Variants in TOP1 observed in about 807,000 individuals in gnomAD.
TOP1 encodes DNA topoisomerase 1.
Under a neutral mutation model 111.1 loss-of-function variants are expected in TOP1, and 10 were observed. The ratio of observed to expected loss-of-function variants is 0.09; its 90% CI spans 0.06 to 0.15. The LOEUF is 0.15. Ranked by LOEUF, TOP1 falls within the 10% of genes least tolerant of loss-of-function variation. The probability of loss-of-function intolerance (pLI) is 1.00; values close to 1 mark genes in which losing one functional copy is unlikely to be tolerated. For synonymous variants in TOP1, 271 were observed against 302.9 expected, an observed-to-expected ratio of 0.89 and a Z score of 1.10; for missense variants, 474 against 926.7, an observed-to-expected ratio of 0.51 and a Z score of 6.34.
intron 17 of TOP1, among the ~76,000 whole-genome samples, chr20:41,117,873 C>G (rs189968977): frequency 6.6e-6 from 1 of 152,140 alleles, no homozygotes; most frequent in African/African-American, 2.4e-5. Context: ...GGGTCCCTAG[C>G]CAAGTTCCCT....
At position 41,101,615 on chromosome 20, in the gene TOP1, A is replaced by G. The variant is rs542138658; in HGVS notation, c.1308+262A>G. On this transcript the variant is annotated intron_variant, in intron 13 of 20. Transcript: ENST00000361337. This position sits in a 1 kb window ranked among gnomAD's most constrained non-coding sequence, Gnocchi z 4.1. Reference sequence around the variant, plus strand: ...CCCCACACAGTATACATTTGATGCTAGGAATTATGTTGGTAAACAAGATAG... The same window carrying G: ...CCCCACACAGTATACATTTGATGCTGGGAATTATGTTGGTAAACAAGATAG... Among the ~76,000 whole-genome samples the G allele has an allele frequency of 2.0e-5, 3 of 152,344 alleles. No homozygotes were observed. The South Asian group carries it at 6.2e-4, about 32-fold the overall frequency.
Position 41,029,017 on chromosome 20 carries a change from G to C in TOP1, c.-51G>C. 5 of 1,517,980 alleles carry C rather than the reference G, an allele frequency of 3.3e-6. No individual in the cohort carries two copies. The highest frequency in any genetic ancestry group is 4.4e-6 in the Non-Finnish European group (5 of 1,131,432). The allele number at this position is 1,517,980 out of a possible 1,614,324, so 94.0% of individuals were successfully genotyped here. A position where few individuals can be genotyped will look rare whatever the true frequency, so the allele number is the denominator to read the frequency against. The stretch of plus-strand genomic sequence containing the variant: ...CCGCACAGGCCGGTTCGCCGTCTGC[G>C]TCTCCCCCACGCCGCCTCGCCTGCC... On this transcript the variant is annotated 5_prime_UTR_variant, in exon 1 of 21. Coordinates refer to ENST00000361337, the MANE Select transcript of TOP1 (RefSeq NM_003286.4). The surrounding 1 kb of genome is among the most constrained non-coding windows in gnomAD (Gnocchi z 6.1).
intron 8 of TOP1, among the ~76,000 whole-genome samples, chr20:41,086,574 G>A (rs2033851484): frequency 6.6e-6 from 1 of 152,218 alleles, no homozygotes; most frequent in South Asian, 2.1e-4. Context: ...ATCCAGGCAA[G>A]TGCGCTGGGT....
At chr20:41,073,059 C>T (rs573065969) in intron 3 of TOP1, 75 of 985,340 alleles carry the variant, frequency 7.6e-5, no homozygotes, top group African/African-American at 4.4e-4. Flanking sequence ...GAGGAAATAT[C>T]GTTGACTTTT....
chr20:41,066,792 G>A (rs1308800687), intron 3 of TOP1, among the ~76,000 whole-genome samples: 1 of 152,056 alleles, frequency 6.6e-6, no homozygotes, highest in African/African-American at 2.4e-5. Context: ...CTGACCTCGT[G>A]ATCCACCTGC....
At position 41,080,289 on chromosome 20, in the gene TOP1, T is replaced by C. The variant is rs1478713785; in HGVS notation, c.431+109T>C. 1 of 654,174 alleles carries C rather than the reference T, an allele frequency of 1.5e-6. No individual in the cohort carries two copies. Among genetic ancestry groups the C allele is most frequent in the Non-Finnish European group, 2.6e-6 (1 of 391,080 alleles). 40.5% of individuals were successfully genotyped at this position (654,174 alleles called of 1,614,324 possible). On this transcript the variant is annotated intron_variant, in intron 6 of 20. Transcript: ENST00000361337. The surrounding 1 kb of genome is among the most constrained non-coding windows in gnomAD (Gnocchi z 5.0). ...ATATAGAAACTGCATTAATTGGCTT[T>C]TACTCATTTGGAATTTGTGATTAAT...
At chr20:41,113,348 T>TA (rs1468201518) in intron 14 of TOP1, among the ~76,000 whole-genome samples, 1 of 152,144 alleles carries the variant, frequency 6.6e-6, no homozygotes, top group African/African-American at 2.4e-5. Flanking sequence ...TTGCCCAGAG[T>TA]AGCAGCACTC....
rs2034042448 is a variant in TOP1 at position 41,100,326 on chromosome 20, C to G, written c.1163+83C>G. 5.0e-6 allele frequency: 6 copies of G among 1,205,110 alleles called. No individual in the cohort carries two copies. The South Asian group carries it at 8.8e-5, about 18-fold the overall frequency. 74.7% of individuals were successfully genotyped at this position (1,205,110 alleles called of 1,614,324 possible). A position where few individuals can be genotyped will look rare whatever the true frequency, so the allele number is the denominator to read the frequency against. ...ACTTGGGAATATTTCCCAGGTTACA[C>G]AGGACTGTTTGGGAAGGGAGATACT... On this transcript the variant is annotated intron_variant, in intron 12 of 20. Coordinates refer to ENST00000361337, the MANE Select transcript of TOP1 (RefSeq NM_003286.4). The surrounding 1 kb of genome is among the most constrained non-coding windows in gnomAD (Gnocchi z 4.4).
intron 2 of TOP1, among the ~76,000 whole-genome samples, chr20:41,042,200 G>A (rs1037018719): frequency 3.9e-5 from 6 of 152,050 alleles, no homozygotes; most frequent in East Asian, 1.9e-4. Context: ...GTGAGCCACC[G>A]TGCCCAGCCA....
chr20:41,056,864 C>T (rs2033479224), intron 2 of TOP1, among the ~76,000 whole-genome samples: 1 of 152,134 alleles, frequency 6.6e-6, no homozygotes, highest in Admixed American at 6.5e-5. Context: ...AGCCACAGCC[C>T]CGAGTTTCTC....
intron 2 of TOP1, among the ~76,000 whole-genome samples, chr20:41,041,886 G>GTGATGATGA (rs112066961): frequency 6.7e-6 from 1 of 149,666 alleles, no homozygotes; most frequent in South Asian, 2.1e-4. Flanking sequence ...AGCTTACAGG[G>GTGATGATGA]TGATGATGAT....
intron 13 of TOP1, among the ~76,000 whole-genome samples, chr20:41,108,003 T>C (rs939666582): frequency 3.5e-4 from 53 of 152,218 alleles, no homozygotes; most frequent in African/African-American, 1.3e-3. Context: ...AGCACTTACA[T>C]TGCTACATAT....
rs2033074494 is a variant in TOP1 at position 41,028,874 on chromosome 20, G to A, written c.-194G>A. 5.4e-6 allele frequency: 3 copies of A among 559,776 alleles called. No homozygotes were observed. The highest frequency in any genetic ancestry group is 3.4e-5 in the Admixed American group (1 of 29,094). The allele number at this position is 559,776 out of a possible 1,614,324, so 34.7% of individuals were successfully genotyped here. ...CTGCTGGGGTCTGTTCTCGCCGCCC[G>A]CCCGGCAGTCAGGCAGCGTCGCCGC... On this transcript the variant is annotated 5_prime_UTR_variant, in exon 1 of 21. Transcript: ENST00000361337.
At chr20:41,059,339 T>C (rs1230908855) in intron 2 of TOP1, among the ~76,000 whole-genome samples, 2 of 151,432 alleles carry the variant, frequency 1.3e-5, no homozygotes, top group Admixed American at 6.6e-5. Flanking sequence ...AAAATGGTGT[T>C]AGAACAACTT....
chr20:41,101,232 C>T lies in TOP1; in HGVS notation c.1187C>T (p.Pro396Leu), dbSNP rs2145953031. 6.2e-7 allele frequency: 1 copy of T among 1,614,120 alleles called. No individual in the cohort carries two copies. Among genetic ancestry groups the T allele is most frequent in the Non-Finnish European group, 8.5e-7 (1 of 1,179,962 alleles). ...AGAGATGCCAAGGTTCCTTCTCCTC[C>T]TCCAGGACATAAGTGGAAAGAAGTC... Reference protein sequence around the residue: ...CSKDAKVPSPPPGHKWKEVRH... With the variant: ...CSKDAKVPSPLPGHKWKEVRH... Residue 396 changes from proline (P) to leucine (L), a missense_variant, in exon 13 of 21, where the codon CCT becomes CTT. Physicochemically the swap from Pro to Leu is moderately conservative, Grantham distance 98. This residue lies in a region of TOP1 where 22 missense variants were observed against 30.4 expected (regional missense o/e 0.72). Transcript: ENST00000361337. This position sits in a 1 kb window ranked among gnomAD's most constrained non-coding sequence, Gnocchi z 4.1.
intron 17 of TOP1, among the ~76,000 whole-genome samples, chr20:41,117,819 C>T (rs1386620555): frequency 6.6e-6 from 1 of 152,042 alleles, no homozygotes; most frequent in Admixed American, 6.6e-5. Context: ...ATATCAGCAG[C>T]ACCTATGATG....
At chr20:41,075,423 G>A (rs569104698) in intron 3 of TOP1, among the ~76,000 whole-genome samples, 4 of 152,242 alleles carry the variant, frequency 2.6e-5, no homozygotes, top group East Asian at 3.9e-4. Context: ...CGCCTGCCTC[G>A]GCCTTCCAAA....
rs1161436477 is a variant in TOP1 at position 41,121,868 on chromosome 20, C to T, written c.2045+78C>T. 10 of 1,558,904 alleles carry T rather than the reference C, an allele frequency of 6.4e-6. No homozygotes were observed. The East Asian group carries it at 2.2e-4, about 35-fold the overall frequency. On this transcript the variant is annotated intron_variant, in intron 19 of 20. Transcript: ENST00000361337. The surrounding 1 kb of genome is among the most constrained non-coding windows in gnomAD (Gnocchi z 4.2). ...TCTGTCAGGGCCCCTGGGGCCCTGG[C>T]TTTTCGATGGTTTCTGAGAAATGTC...
chr20:41,053,978 T>G (rs558384080), intron 2 of TOP1, among the ~76,000 whole-genome samples: 1 of 152,314 alleles, frequency 6.6e-6, no homozygotes, highest in African/African-American at 2.4e-5. Context: ...ACCAACTAGA[T>G]GCACCTTATT....
Sources: gnomAD v4.1 joint callset for allele counts (sites outside exome capture counted in the v4.1 genomes callset) on GRCh38, gnomAD v4.1.1 for gene constraint, gnomAD v4.1.1 regional missense constraint, Gnocchi (gnomAD v3.1) non-coding constraint, MANE v1.5 for transcripts, NCBI Gene and HGNC (gene_info 2026-07-23, HGNC 2026-07-21) for gene names.